Variants in ZFHX3 observed in about 807,000 individuals in gnomAD.
The protein encoded by ZFHX3 is zinc finger homeobox protein 3.
In ZFHX3, 42 loss-of-function variants were observed where a neutral mutation model predicts 279.1. The ratio of observed to expected loss-of-function variants is 0.15; its 90% confidence interval spans 0.12 to 0.19. The LOEUF (loss-of-function observed/expected upper bound fraction) is 0.19, where lower values mean the gene tolerates loss of function less well. Among genes scored for constraint, ZFHX3 ranks in the 10% least tolerant of loss-of-function variants. The probability of loss-of-function intolerance (pLI) is 1.00; values close to 1 mark genes in which losing one functional copy is unlikely to be tolerated. For missense variants in ZFHX3, 4,981 were observed against 4,754.0 expected, an observed-to-expected ratio of 1.05 and a Z score of -1.40; for synonymous variants, 2,293 against 1,957.8, an observed-to-expected ratio of 1.17 and a Z score of -4.52.
At position 72,877,913 on chromosome 16, in the gene ZFHX3, T is replaced by C. The variant is rs543734470; in HGVS notation, c.3448+11818A>G. Among the ~76,000 whole-genome samples the C allele has an allele frequency of 5.3e-5, 8 of 152,298 alleles. No homozygotes were observed. The South Asian group carries it at 1.0e-3, about 20-fold the overall frequency. On this transcript the variant is annotated intron_variant, in intron 4 of 9. Coordinates refer to ENST00000268489, the MANE Select transcript of ZFHX3 (RefSeq NM_006885.4). ...AAGGAGGCAACTCACACCTGAATTA[T>C]AGTGGGCTTGTAAACCTGAACAGGG...
rs1232744909 is a variant in ZFHX3, at chr16:72,787,892, G to C, written c.10384C>G (p.Gln3462Glu). Residue 3462 changes from glutamine to glutamate, a missense_variant, in exon 10 of 10, where the codon CAG becomes GAG. By Grantham distance (29) the Gln-to-Glu change is conservative (BLOSUM62 2). Transcript: ENST00000268489. ...LYDPFIVPKV[Q>E]YKLVCRKCQA... ...CACTTGCGGCAGACCAACTTGTACT[G>C]CACCTTTGGAACAATGAAGGGGTCG... The C allele has an allele frequency of 6.2e-7, 1 of 1,613,914 alleles. No homozygotes were observed. Among genetic ancestry groups the C allele is most frequent in the Non-Finnish European group, 8.5e-7 (1 of 1,180,032 alleles).
At chr16:73,416,452 A>G (rs1246323043) in intron 3 of ZFHX3, among the ~76,000 whole-genome samples, 1 of 152,144 alleles carries the variant, frequency 6.6e-6, no homozygotes, top group African/African-American at 2.4e-5. Flanking sequence ...CCAGTATTGG[A>G]CTCATTCATT....
intron 1 of ZFHX3, among the ~76,000 whole-genome samples, chr16:72,974,317 C>T (rs1192280178): frequency 1.3e-5 from 2 of 152,200 alleles, no homozygotes; most frequent in Admixed American, 6.5e-5. Flanking sequence ...GCAATGATTC[C>T]GCCAAATGGC....
chr16:72,895,950 C>G (rs903948128), intron 3 of ZFHX3, among the ~76,000 whole-genome samples: 2 of 152,198 alleles, frequency 1.3e-5, no homozygotes, highest in African/African-American at 4.8e-5. Context: ...ATCATAAGAA[C>G]TGCAAAGGTA....
intron 4 of ZFHX3, among the ~76,000 whole-genome samples, chr16:73,273,908 C>T (rs531307071): frequency 1.3e-5 from 2 of 151,978 alleles, no homozygotes; most frequent in African/African-American, 4.8e-5. Context: ...TTTGGGAGGC[C>T]GAGGCGGGTG....
chr16:73,574,331 G>A (rs963866089), intron 2 of ZFHX3, among the ~76,000 whole-genome samples: 2 of 147,658 alleles, frequency 1.4e-5, no homozygotes, highest in Non-Finnish European at 1.5e-5. Flanking sequence ...GTGAAATTTT[G>A]TATCATTTCT....
At chr16:73,864,368 A>G (rs1177676656) in intron 1 of ZFHX3, among the ~76,000 whole-genome samples, 22 of 152,228 alleles carry the variant, frequency 1.4e-4, no homozygotes, top group Admixed American at 1.4e-3. Flanking sequence ...TGCCAAAGAT[A>G]CCGTGATAAA....
At position 73,390,026 on chromosome 16, in the gene ZFHX3, C is replaced by A. The variant is rs547930879; in HGVS notation, c.-1291+65977G>T. ...AGTAAGCCGAGATTGCACCACTGCA[C>A]TCCAGCCTGGGTGACAGAGCGAGAC... On this transcript the variant is annotated intron_variant, in intron 3 of 17. Coordinates refer to the ZFHX3 transcript ENST00000641206. Among the ~76,000 whole-genome samples, 12 of 152,238 alleles carry A rather than the reference C, an allele frequency of 7.9e-5. No homozygotes were observed. In the South Asian group the frequency reaches 2.1e-3, roughly 26 times the overall value.
intron 5 of ZFHX3, among the ~76,000 whole-genome samples, chr16:73,175,255 C>T (rs1490514810): frequency 1.3e-5 from 2 of 151,428 alleles, no homozygotes; most frequent in Admixed American, 6.6e-5. Context: ...TGGCTCATGC[C>T]TGTAATCCCA....
At chr16:72,807,532 TC>T (rs1292341123) in intron 7 of ZFHX3, 1 of 152,236 alleles carries the variant, frequency 6.6e-6, no homozygotes. Flanking sequence ...CACTGCAGGT[TC>T]CTGAAAGCTG....
At chr16:73,609,757 G>C (rs1357002384) in intron 2 of ZFHX3, 1 of 152,116 alleles carries the variant, frequency 6.6e-6, no homozygotes, top group Non-Finnish European at 1.5e-5. Flanking sequence ...AGACATGCCA[G>C]ATAAGAACAG....
intron 2 of ZFHX3, among the ~76,000 whole-genome samples, chr16:73,567,147 G>T (rs968074015): frequency 6.6e-6 from 1 of 152,048 alleles, no homozygotes; most frequent in Admixed American, 6.5e-5. Context: ...CTTGTTTTTT[G>T]TTTGTTTGTT....
In ZFHX3 at chr16:73,546,736, G is replaced by GC. The variant is rs1348175050; in HGVS notation, c.-1546-90479_-1546-90478insG. Among the ~76,000 whole-genome samples, 23 of 123,846 alleles carry GC rather than the reference G, an allele frequency of 1.9e-4. No homozygotes were observed. The South Asian group carries it at 4.9e-3, about 27-fold the overall frequency. 81.2% of individuals were successfully genotyped at this position (123,846 alleles called of 152,430 possible). A position where few individuals can be genotyped will look rare whatever the true frequency, so the allele number is the denominator to read the frequency against. Reference sequence around the variant, plus strand: ...TGCTGCTGCTGCTGCTGCTGCTGCTGTTGCTTCTTTTTCGGCTTCTTCTTC... The same window carrying GC: ...TGCTGCTGCTGCTGCTGCTGCTGCTGCTTGCTTCTTTTTCGGCTTCTTCTTC... On this transcript the variant is annotated intron_variant, in intron 2 of 17. Transcript: ENST00000641206.
At chr16:73,745,662 C>T (rs1037948305) in intron 1 of ZFHX3, among the ~76,000 whole-genome samples, 13 of 152,162 alleles carry the variant, frequency 8.5e-5, no homozygotes, top group African/African-American at 2.9e-4. Context: ...CTTTTGAAAA[C>T]CTTTCTTTTT....
chr16:72,957,900 T>C lies in ZFHX3; in HGVS notation c.2246A>G (p.Lys749Arg). 6.2e-7 allele frequency: 1 copy of C among 1,614,208 alleles called. No homozygotes were observed. Among genetic ancestry groups the C allele is most frequent in the Non-Finnish European group, 8.5e-7 (1 of 1,180,038 alleles). Residue 749 changes from lysine (K) to arginine (R), a missense_variant, in exon 2 of 10, where the codon AAG becomes AGG. By Grantham distance (26) the Lys-to-Arg change is conservative (BLOSUM62 2). This residue lies in a region of ZFHX3 where 39 missense variants were observed against 68.2 expected (regional missense o/e 0.57). Transcript: ENST00000268489. ...CAGGTTCTGCATGTTGTTGAGATGC[T>C]TGTCAGACTGCATATGAATACTGAG... is the stretch of plus-strand genomic sequence containing the variant. Reference protein sequence around the residue: ...GNLSIHMQSDKHLNNMQNLQN... With the variant: ...GNLSIHMQSDRHLNNMQNLQN...
intron 2 of ZFHX3, among the ~76,000 whole-genome samples, chr16:73,487,975 C>T (rs2019002533): frequency 6.6e-6 from 1 of 152,126 alleles, no homozygotes; most frequent in Non-Finnish European, 1.5e-5. Flanking sequence ...CTAAGCAAGC[C>T]CAGCCAACAT....
intron 2 of ZFHX3, chr16:73,487,711 A>C: frequency 6.1e-6 from 1 of 164,784 alleles, no homozygotes; most frequent in South Asian, 1.4e-4. Context: ...AGCTCATGTG[A>C]TTTCTTAGCC....
At chr16:73,106,426 G>A (rs561504368) in intron 7 of ZFHX3, among the ~76,000 whole-genome samples, 5 of 152,150 alleles carry the variant, frequency 3.3e-5, no homozygotes, top group East Asian at 1.9e-4. Context: ...TACACAAGAC[G>A]GAAGATGTAC....
At chr16:72,990,523 A>G (rs1253212974) in intron 1 of ZFHX3, among the ~76,000 whole-genome samples, 1 of 152,320 alleles carries the variant, frequency 6.6e-6, no homozygotes, top group Middle Eastern at 3.4e-3. Context: ...ACAGGAACTG[A>G]GTGCTGAAGA....
Sources: allele counts gnomAD v4.1 joint callset (sites outside exome capture counted in the v4.1 genomes callset), GRCh38; gene constraint gnomAD v4.1.1; regional missense constraint gnomAD v4.1.1; transcripts MANE v1.5; gene names NCBI Gene and HGNC (gene_info 2026-07-23, HGNC 2026-07-21).